Variants in GAN observed in about 807,000 individuals in gnomAD.
The protein encoded by GAN is epididymis secretory sperm binding protein.
A neutral mutation model predicts 71.3 loss-of-function variants in GAN; 48 were observed. That is an observed-to-expected ratio of 0.67 (90% CI 0.53 to 0.86). The LOEUF (loss-of-function observed/expected upper bound fraction) is 0.86. Among genes scored for constraint, GAN ranks in the 40% least tolerant of loss-of-function variants. The pLI, the probability that GAN is intolerant of heterozygous loss-of-function variation, is 0.00. For missense variants in GAN, 928 were observed against 770.1 expected, an observed-to-expected ratio of 1.21 and a Z score of -2.43; for synonymous variants, 386 against 276.8, an observed-to-expected ratio of 1.39 and a Z score of -3.92.
At chr16:81,329,488 CTT>C (rs1909501920) in intron 1 of GAN, among the ~76,000 whole-genome samples, 1 of 152,202 alleles carries the variant, frequency 6.6e-6, no homozygotes, top group African/African-American at 2.4e-5. Context: ...AAAAGTATCT[CTT>C]TATCTTGTGC....
At chr16:81,357,528 C>G (rs1199195034) in intron 4 of GAN, among the ~76,000 whole-genome samples, 1 of 152,072 alleles carries the variant, frequency 6.6e-6, no homozygotes, top group East Asian at 1.9e-4. Flanking sequence ...TGGGTTGGTT[C>G]CAAGTCTTTG....
chr16:81,315,232 A>T lies in GAN; in HGVS notation c.119A>T (p.Glu40Val). Reference protein sequence around the residue: ...CDAHLVLDGEEIPVQKNILAA... With the variant: ...CDAHLVLDGEVIPVQKNILAA... The stretch of plus-strand genomic sequence containing the variant: ...GCGCACCTGGTCCTCGACGGGGAGG[A>T]GATCCCGGTGCAGAAGAACATCCTG... The change falls in exon 1 of 11, where the codon GAG becomes GTG. Residue 40 changes from glutamate (E) to valine (V), a missense_variant. Coordinates refer to ENST00000648994, the MANE Select transcript of GAN (RefSeq NM_022041.4). 2 of 1,581,868 alleles carry T rather than the reference A, an allele frequency of 1.3e-6. No individual in the cohort carries two copies. The highest frequency in any genetic ancestry group is 1.4e-5 in the African/African-American group (1 of 71,574).
At chr16:81,376,556 T>C (rs1049786043) in intron 9 of GAN, among the ~76,000 whole-genome samples, 5 of 148,094 alleles carry the variant, frequency 3.4e-5, no homozygotes, top group Admixed American at 6.7e-5. Context: ...TACACACATA[T>C]ACATATATAT....
chr16:81,357,097 ATAATTACATTT>A, intron 4 of GAN, 95 bp downstream of exon 4: 1 of 864,222 alleles, frequency 1.2e-6, no homozygotes. Flanking sequence ...TATCTAAAAC[ATAATTACATTT>A]GATTTTTTTT....
At chr16:81,369,320 C>CA (rs1325503924) in intron 9 of GAN, among the ~76,000 whole-genome samples, 1 of 152,138 alleles carries the variant, frequency 6.6e-6, no homozygotes, top group Non-Finnish European at 1.5e-5. Context: ...AAACCAGAAA[C>CA]AATACTGCAT....
At chr16:81,347,239 G>A (rs2150681399) in intron 1 of GAN, among the ~76,000 whole-genome samples, 1 of 152,300 alleles carries the variant, frequency 6.6e-6, no homozygotes. Context: ...TACCTTTTGA[G>A]TAAAACCATT....
chr16:81,381,749 T>C lies in GAN; in HGVS notation c.*4153T>C, dbSNP rs755241855. 1.3e-5 allele frequency: 2 copies of C among 152,190 alleles called. No homozygotes were observed. Among genetic ancestry groups the C allele is most frequent in the Non-Finnish European group, 2.9e-5 (2 of 68,036 alleles). 9.4% of individuals were successfully genotyped at this position (152,190 alleles called of 1,614,324 possible). Reference sequence around the variant, plus strand: ...AGGTAGGCAATAAACATTTGACAAATAAATATAAGATTCTTGTGATCAAAG... The same window carrying C: ...AGGTAGGCAATAAACATTTGACAAACAAATATAAGATTCTTGTGATCAAAG... On this transcript the variant is annotated 3_prime_UTR_variant, in exon 11 of 11. Coordinates refer to ENST00000648994, the MANE Select transcript of GAN (RefSeq NM_022041.4).
At chr16:81,359,446 C>G (rs373443089) in intron 5 of GAN, among the ~76,000 whole-genome samples, 1 of 136,584 alleles carries the variant, frequency 7.3e-6, no homozygotes, top group Non-Finnish European at 1.6e-5. Flanking sequence ...TTGATTTTGA[C>G]TGTTTTTTTG....
intron 1 of GAN, among the ~76,000 whole-genome samples, chr16:81,329,418 C>G (rs1391561875): frequency 2.6e-5 from 4 of 152,202 alleles, no homozygotes; most frequent in Admixed American, 2.0e-4. Flanking sequence ...TAAACAGACT[C>G]TGCATCCTCT....
At chr16:81,321,602 A>G (rs1229669685) in intron 1 of GAN, among the ~76,000 whole-genome samples, 1 of 152,216 alleles carries the variant, frequency 6.6e-6, no homozygotes, top group East Asian at 1.9e-4. Flanking sequence ...TTCTTATGAT[A>G]TCAAAGTGGG....
intron 1 of GAN, among the ~76,000 whole-genome samples, chr16:81,322,228 G>C (rs935215623): frequency 6.6e-6 from 1 of 152,188 alleles, no homozygotes; most frequent in Non-Finnish European, 1.5e-5. Context: ...GAAGGGATTT[G>C]GACTTTTCCT....
At position 81,336,009 on chromosome 16, in the gene GAN, TG is replaced by T. The variant is rs1217627692; in HGVS notation, c.168-15572del. 3.3e-5 allele frequency among the ~76,000 whole-genome samples: 5 copies of T among 152,304 alleles called. No homozygotes were observed. The East Asian group carries it at 7.7e-4, about 24-fold the overall frequency. On this transcript the variant is annotated intron_variant, in intron 1 of 10. Coordinates refer to ENST00000648994, the MANE Select transcript of GAN (RefSeq NM_022041.4). ...CAGTGCACCAGTGTGAGGCTGATGGTGGTTCCCAGGCAGGTCACCAAGACCA... is the reference window on the plus strand; with the variant it reads ...CAGTGCACCAGTGTGAGGCTGATGGTGTTCCCAGGCAGGTCACCAAGACCA...
At chr16:81,372,980 T>C (rs984421216) in intron 9 of GAN, among the ~76,000 whole-genome samples, 1 of 152,156 alleles carries the variant, frequency 6.6e-6, no homozygotes, top group Non-Finnish European at 1.5e-5. Flanking sequence ...AACATTCAGA[T>C]GTTAGTTGAA....
chr16:81,358,049 T>G, intron 5 of GAN, 118 bp downstream of exon 5: 1 of 907,356 alleles, frequency 1.1e-6, no homozygotes, highest in Middle Eastern at 2.1e-4. Context: ...TACATGACAT[T>G]TTTAGTGTAG....
intron 1 of GAN, among the ~76,000 whole-genome samples, chr16:81,325,462 T>A (rs969281912): frequency 6.6e-6 from 1 of 152,128 alleles, no homozygotes. Flanking sequence ...GGGAGGAAGG[T>A]AAGACATATT....
chr16:81,330,977 A>C (rs1191476895), intron 1 of GAN, among the ~76,000 whole-genome samples: 1 of 152,220 alleles, frequency 6.6e-6, no homozygotes, highest in Admixed American at 6.5e-5. Flanking sequence ...AGGCTAAAGC[A>C]GGAGGGTTGC....
intron 1 of GAN, among the ~76,000 whole-genome samples, chr16:81,344,823 G>C (rs1039655466): frequency 6.6e-6 from 1 of 152,142 alleles, no homozygotes; most frequent in Non-Finnish European, 1.5e-5. Flanking sequence ...GCAACCTACA[G>C]AATGGGAGAA....
Position 81,385,548 on chromosome 16 carries a change from G to A in GAN, c.*7952G>A, listed in dbSNP as rs1342270817. 1 of 151,992 alleles carries A rather than the reference G, an allele frequency of 6.6e-6. No individual in the cohort carries two copies. Among genetic ancestry groups the A allele is most frequent in the Non-Finnish European group, 1.5e-5 (1 of 68,012 alleles). 9.4% of individuals were successfully genotyped at this position (151,992 alleles called of 1,614,324 possible). On this transcript the variant is annotated 3_prime_UTR_variant, in exon 11 of 11. Coordinates refer to ENST00000648994, the MANE Select transcript of GAN (RefSeq NM_022041.4). Reference sequence around the variant, plus strand: ...TGCGGGTTGTTGTGAGGATTAACTGGGTGATGACTGTAAGCAGCTGGGAGA... The same window carrying A: ...TGCGGGTTGTTGTGAGGATTAACTGAGTGATGACTGTAAGCAGCTGGGAGA...
intron 9 of GAN, among the ~76,000 whole-genome samples, chr16:81,367,974 T>C (rs951107596): frequency 3.9e-5 from 6 of 152,252 alleles, no homozygotes; most frequent in African/African-American, 7.2e-5. Context: ...ATGTGTTATA[T>C]TGGCATAGTG....
Sources: allele counts gnomAD v4.1 joint callset (sites outside exome capture counted in the v4.1 genomes callset), GRCh38; gene constraint gnomAD v4.1.1; transcripts MANE v1.5; gene names NCBI Gene and HGNC (gene_info 2026-07-23, HGNC 2026-07-21).